TRAPPC8: variants seen among roughly 807,000 people sequenced by gnomAD.
TRAPPC8 encodes trafficking protein particle complex subunit 8, also known as general sporulation gene 1 homolog.
TRAPPC8 carries 54 observed loss-of-function variants against 174.3 expected under a neutral mutation model. That is an observed-to-expected ratio of 0.31 (90% CI 0.25 to 0.39). The LOEUF (loss-of-function observed/expected upper bound fraction) is 0.39. Among genes scored for constraint, TRAPPC8 ranks in the 10% least tolerant of loss-of-function variants. TRAPPC8 has a pLI of 1.00. For synonymous variants in TRAPPC8, 630 were observed against 579.9 expected, an observed-to-expected ratio of 1.09 and a Z score of -1.24; for missense variants, 1,531 against 1,699.1, an observed-to-expected ratio of 0.90 and a Z score of 1.74.
intron 5 of TRAPPC8, among the ~76,000 whole-genome samples, chr18:31,912,842 ATCAG>A (rs1257263351): frequency 6.6e-6 from 1 of 152,154 alleles, no homozygotes; most frequent in African/African-American, 2.4e-5. Flanking sequence ...TAAGAAAGAG[ATCAG>A]TCCAGGCGCG....
rs1278390396 is a variant in TRAPPC8 at position 31,830,770 on chromosome 18, G to A, written c.4293C>T (p.Ile1431=). 1.2e-6 allele frequency: 2 copies of A among 1,613,356 alleles called. No homozygotes were observed. The highest frequency in any genetic ancestry group is 2.7e-5 in the African/African-American group (2 of 74,906). Residue 1431 remains isoleucine, a synonymous_variant, in exon 29 of 29, where the codon ATC becomes ATT. Coordinates refer to ENST00000283351, the MANE Select transcript of TRAPPC8 (RefSeq NM_014939.5). ...TTCCAAGTTGTCACACATTACTGATGATGATCAGGGCAGGCATGGAATTCT... is the reference window on the plus strand; with the variant it reads ...TTCCAAGTTGTCACACATTACTGATAATGATCAGGGCAGGCATGGAATTCT... ...SQQNSMPALI[I]ISNV
chr18:31,880,781 C>T (rs185154118), intron 12 of TRAPPC8, among the ~76,000 whole-genome samples: 26 of 152,186 alleles, frequency 1.7e-4, no homozygotes, highest in African/African-American at 6.3e-4. Flanking sequence ...AGACAGTAGT[C>T]ATTAGGATAA....
chr18:31,885,658 A>G (rs1376722338), intron 12 of TRAPPC8, among the ~76,000 whole-genome samples: 7 of 151,994 alleles, frequency 4.6e-5, no homozygotes, highest in African/African-American at 1.7e-4. Context: ...CAGGAGTTCG[A>G]GACCAACCTG....
chr18:31,931,510 A>C lies in TRAPPC8; in HGVS notation c.171T>G (p.Asp57Glu). 1.3e-6 allele frequency: 2 copies of C among 1,588,204 alleles called. No individual in the cohort carries two copies. The highest frequency in any genetic ancestry group is 1.7e-6 in the Non-Finnish European group (2 of 1,168,458). Reference sequence around the variant, plus strand: ...TAATTACGTGAAGTTGATTATTAGGATCTCTCATGTGAACTTTAAAGAAAA... The same window carrying C: ...TAATTACGTGAAGTTGATTATTAGGCTCTCTCATGTGAACTTTAAAGAAAA... Reference protein sequence around the residue: ...SRLTSEVHMRDPNNQLHVIKN... With the variant: ...SRLTSEVHMREPNNQLHVIKN... Residue 57 changes from aspartate to glutamate, a missense_variant, in exon 2 of 29, where the codon GAT becomes GAG. Asp to Glu is a conservative substitution (Grantham distance 45). Transcript: ENST00000283351.
At chr18:31,834,150 C>T (rs987231373) in intron 27 of TRAPPC8, among the ~76,000 whole-genome samples, 4 of 151,622 alleles carry the variant, frequency 2.6e-5, no homozygotes, top group Admixed American at 1.3e-4. Context: ...GCTCTTTTTG[C>T]CCAGGCTGGA....
At chr18:31,877,020 T>C (rs1207169968) in intron 12 of TRAPPC8, among the ~76,000 whole-genome samples, 3 of 152,226 alleles carry the variant, frequency 2.0e-5, no homozygotes, top group African/African-American at 2.4e-5. Flanking sequence ...AGGAGACCAG[T>C]GGGTCCCCAG....
chr18:31,880,121 ATTT>A (rs56728828), intron 12 of TRAPPC8, among the ~76,000 whole-genome samples: 1,041 of 68,810 alleles, frequency 0.015, 7 homozygotes, highest in African/African-American at 0.035. Context: ...ATATATATAT[ATTT>A]TTTTTTTTTT....
In TRAPPC8 at chr18:31,887,111, T is replaced by G. The variant is rs1406918781; in HGVS notation, c.1728+3624A>C. Among the ~76,000 whole-genome samples, 3 of 152,194 alleles carry G rather than the reference T, an allele frequency of 2.0e-5. No homozygotes were observed. In the East Asian group the frequency reaches 5.8e-4, roughly 29 times the overall value. On this transcript the variant is annotated intron_variant, in intron 12 of 28. Transcript: ENST00000283351. ...AACCCTGTTTTAAATTCAAATGTCA[T>G]GAAAAGTTGGTGCTTGTCATCAAAA...
intron 1 of TRAPPC8, chr18:31,939,507 A>G (rs2038241143): frequency 6.6e-6 from 1 of 152,182 alleles, no homozygotes; most frequent in African/African-American, 2.4e-5. Context: ...CCATTCAGTC[A>G]TAATTTAGAC....
At chr18:31,915,469 A>AAGGGG (rs1555678148) in intron 4 of TRAPPC8, among the ~76,000 whole-genome samples, 1 of 98,792 alleles carries the variant, frequency 1.0e-5, no homozygotes, top group African/African-American at 4.2e-5. Flanking sequence ...TCAAAAAAAA[A>AAGGGG]GGGGGGGGGG....
At chr18:31,855,070 C>T (rs1433355690) in intron 21 of TRAPPC8, among the ~76,000 whole-genome samples, 2 of 149,236 alleles carry the variant, frequency 1.3e-5, no homozygotes, top group African/African-American at 5.0e-5. Flanking sequence ...GGCATGGTGG[C>T]ATGTGCCTGT....
chr18:31,930,385 G>C (rs1046208791), intron 2 of TRAPPC8, among the ~76,000 whole-genome samples: 3 of 152,086 alleles, frequency 2.0e-5, no homozygotes, highest in Non-Finnish European at 4.4e-5. Flanking sequence ...CTCCCAAAGT[G>C]CTGGGATTAC....
intron 24 of TRAPPC8, among the ~76,000 whole-genome samples, chr18:31,851,256 A>G (rs1038072509): frequency 1.3e-5 from 2 of 152,188 alleles, no homozygotes; most frequent in Non-Finnish European, 2.9e-5. Context: ...CTTAAAATGC[A>G]TACTCCCAAA....
chr18:31,922,851 C>T (rs1425026504), intron 2 of TRAPPC8, among the ~76,000 whole-genome samples: 9 of 152,082 alleles, frequency 5.9e-5, no homozygotes, highest in Non-Finnish European at 8.8e-5. Context: ...AACCTCATCT[C>T]TACAAAAAAT....
intron 2 of TRAPPC8, among the ~76,000 whole-genome samples, chr18:31,927,708 A>G (rs989654011): frequency 2.6e-5 from 4 of 152,190 alleles, no homozygotes; most frequent in Admixed American, 2.0e-4. Flanking sequence ...TGGCCTTAAT[A>G]AATTAAAAGT....
In TRAPPC8 at chr18:31,850,969, A is replaced by G. The variant is rs149113203; in HGVS notation, c.3562-1230T>C. Among the ~76,000 whole-genome samples, 836 of 152,346 alleles carry G rather than the reference A, an allele frequency of 5.5e-3. 4 individuals are homozygous for G. The highest frequency in any genetic ancestry group is 0.019 in the African/African-American group (804 of 41,578). ...AATTCAACTATTCAGGAAGCACAGT[A>G]TCTCTGAAAGTAATGCATATTTTGA... is the stretch of plus-strand genomic sequence containing the variant. On this transcript the variant is annotated intron_variant, in intron 24 of 28. Transcript: ENST00000283351.
chr18:31,838,582 T>G (rs1177918957), intron 27 of TRAPPC8, among the ~76,000 whole-genome samples: 1 of 152,198 alleles, frequency 6.6e-6, no homozygotes, highest in African/African-American at 2.4e-5. Flanking sequence ...TCTTACCTCC[T>G]ATTTGCTTCT....
chr18:31,911,465 A>C (rs1309282299), intron 5 of TRAPPC8, among the ~76,000 whole-genome samples: 1 of 149,374 alleles, frequency 6.7e-6, no homozygotes, highest in East Asian at 2.0e-4. Flanking sequence ...AAAAAAAAAA[A>C]TTTCTGGCCG....
At chr18:31,834,369 C>A (rs1190401984) in intron 27 of TRAPPC8, among the ~76,000 whole-genome samples, 1 of 152,142 alleles carries the variant, frequency 6.6e-6, no homozygotes. Flanking sequence ...CTTGGCCTCC[C>A]AAAGTGCTGG....
Sources: allele counts gnomAD v4.1 joint callset (sites outside exome capture counted in the v4.1 genomes callset), GRCh38; gene constraint gnomAD v4.1.1; transcripts MANE v1.5; gene names NCBI Gene and HGNC (gene_info 2026-07-23, HGNC 2026-07-21).